MYCBP2: variants seen among roughly 807,000 people sequenced by gnomAD.
The protein encoded by MYCBP2 is MYC binding protein 2, also known as E3 ubiquitin-protein ligase MYCBP2.
MYCBP2 carries 120 observed loss-of-function variants against 525.3 expected under a neutral mutation model. The ratio of observed to expected loss-of-function variants is 0.23; its 90% CI spans 0.20 to 0.27. The LOEUF is 0.27. Ranked by LOEUF, MYCBP2 falls within the 10% of genes least tolerant of loss-of-function variation. The probability of loss-of-function intolerance (pLI) is 1.00; values close to 1 mark genes in which losing one functional copy is unlikely to be tolerated. For missense variants in MYCBP2, 4,149 were observed against 5,657.1 expected (o/e 0.73, Z 8.55); for synonymous variants, 1,894 against 1,955.8 (o/e 0.97, Z 0.83).
At chr13:77,317,018 C>G (rs752685651) in intron 1 of MYCBP2, among the ~76,000 whole-genome samples, 2 of 151,838 alleles carry the variant, frequency 1.3e-5, no homozygotes, top group Non-Finnish European at 2.9e-5. Flanking sequence ...GGCGCAATCT[C>G]GGCTCACTGC....
chr13:77,178,784 G>C (rs1177232409), intron 34 of MYCBP2, among the ~76,000 whole-genome samples: 1 of 152,110 alleles, frequency 6.6e-6, no homozygotes, highest in Non-Finnish European at 1.5e-5. Flanking sequence ...TTGTATACCA[G>C]GCACCCTGTA....
chr13:77,202,217 C>T (rs1237001222), intron 26 of MYCBP2, among the ~76,000 whole-genome samples: 13 of 152,050 alleles, frequency 8.5e-5, no homozygotes, highest in African/African-American at 2.2e-4. Flanking sequence ...ATATCATCAC[C>T]GATCCCACAG....
chr13:77,106,475 G>A (rs183418215), intron 55 of MYCBP2, among the ~76,000 whole-genome samples: 36 of 152,198 alleles, frequency 2.4e-4, no homozygotes, highest in Admixed American at 1.9e-3. Context: ...GAGGCTAGGC[G>A]TCTAATCACA....
intron 10 of MYCBP2, 63 bp downstream of exon 10, chr13:77,263,588 T>C (rs1285089047): frequency 2.8e-6 from 4 of 1,429,022 alleles, no homozygotes; most frequent in East Asian, 4.7e-5. Context: ...ACAATGTTCA[T>C]TTTTAAGAGT....
chr13:77,267,675 G>C (rs2074298043), intron 8 of MYCBP2, among the ~76,000 whole-genome samples, 166 bp downstream of exon 8: 1 of 152,144 alleles, frequency 6.6e-6, no homozygotes, highest in African/African-American at 2.4e-5. Flanking sequence ...CTCTTGATAT[G>C]TATTAACTTC....
chr13:77,146,058 T>C (rs2055491478), intron 48 of MYCBP2, 104 bp downstream of exon 48: 4 of 700,074 alleles, frequency 5.7e-6, no homozygotes, highest in Non-Finnish European at 9.3e-6. Flanking sequence ...AAAAATGCTA[T>C]AAAGTATTTA....
At chr13:77,127,592 T>C (rs1043575018) in intron 52 of MYCBP2, among the ~76,000 whole-genome samples, 2 of 151,850 alleles carry the variant, frequency 1.3e-5, no homozygotes, top group East Asian at 1.9e-4. Flanking sequence ...ATGCAAACAT[T>C]AGGTTAAAAC....
At chr13:77,159,365 A>G (rs1247087726) in intron 44 of MYCBP2, among the ~76,000 whole-genome samples, 1 of 152,224 alleles carries the variant, frequency 6.6e-6, no homozygotes, top group Non-Finnish European at 1.5e-5. Context: ...TGCCAAAAAG[A>G]GGCAATTTGG....
chr13:77,193,610 G>A (rs556849535), intron 27 of MYCBP2, among the ~76,000 whole-genome samples: 1 of 152,260 alleles, frequency 6.6e-6, no homozygotes, highest in South Asian at 2.1e-4. Context: ...CTGATAAAGT[G>A]TAAGTATCCT....
chr13:77,141,020 T>A, intron 49 of MYCBP2, 77 bp from the exon 50 acceptor site: 1 of 998,344 alleles, frequency 1.0e-6, no homozygotes, highest in Non-Finnish European at 1.5e-6. Flanking sequence ...CTTATAAACA[T>A]CCACAGGCTA....
chr13:77,148,527 C>T (rs1249690921), intron 47 of MYCBP2, among the ~76,000 whole-genome samples: 1 of 151,946 alleles, frequency 6.6e-6, no homozygotes, highest in Non-Finnish European at 1.5e-5. Context: ...AATTTCTTCC[C>T]TTCCAAACTA....
intron 28 of MYCBP2, among the ~76,000 whole-genome samples, chr13:77,191,309 T>C (rs776610986): frequency 7.9e-5 from 12 of 152,220 alleles, no homozygotes; most frequent in Non-Finnish European, 1.6e-4. Flanking sequence ...AATTTTAAAC[T>C]GTTTTCTCAT....
intron 40 of MYCBP2, among the ~76,000 whole-genome samples, chr13:77,167,183 C>T (rs1031930057): frequency 1.3e-5 from 2 of 151,976 alleles, no homozygotes; most frequent in African/African-American, 2.4e-5. Context: ...CTTTAAAAAA[C>T]TATACACATA....
intron 54 of MYCBP2, among the ~76,000 whole-genome samples, chr13:77,123,217 A>C (rs2051057776): frequency 6.6e-6 from 1 of 152,238 alleles, no homozygotes; most frequent in Admixed American, 6.5e-5. Flanking sequence ...ATTTAAAGGC[A>C]CTAACTTCAT....
At chr13:77,091,721 T>C (rs1360099402) in intron 59 of MYCBP2, among the ~76,000 whole-genome samples, 1 of 152,060 alleles carries the variant, frequency 6.6e-6, no homozygotes, top group Non-Finnish European at 1.5e-5. Context: ...CATTTATTCA[T>C]CAACTTTTTT....
chr13:77,181,476 T>C (rs2060216197), intron 33 of MYCBP2, among the ~76,000 whole-genome samples: 2 of 152,232 alleles, frequency 1.3e-5, no homozygotes, highest in South Asian at 2.1e-4. Context: ...ATTAAACCGT[T>C]AGAGCAAAAA....
intron 42 of MYCBP2, 116 bp from the exon 43 acceptor site, chr13:77,164,657 A>T: frequency 2.9e-6 from 2 of 694,628 alleles, no homozygotes; most frequent in Middle Eastern, 2.6e-4. Flanking sequence ...AAGCACGTGA[A>T]GCTAATGGTT....
chr13:77,168,800 TA>T (rs151226181), intron 39 of MYCBP2, among the ~76,000 whole-genome samples, 154 bp from the exon 40 acceptor site: 3,373 of 152,258 alleles, frequency 0.022, 58 homozygotes, highest in Middle Eastern at 0.075. Context: ...TTCAATTGAT[TA>T]AAAAAAGATT....
chr13:77,168,381 C>T, intron 40 of MYCBP2, 47 bp downstream of exon 40: 1 of 1,528,304 alleles, frequency 6.5e-7, no homozygotes, highest in Non-Finnish European at 9.0e-7. Context: ...ATCAGAGAAC[C>T]TCATGCCAAG....
Sources: gnomAD v4.1 joint callset for allele counts (sites outside exome capture counted in the v4.1 genomes callset) on GRCh38, gnomAD v4.1.1 for gene constraint, MANE v1.5 for transcripts, NCBI Gene and HGNC (gene_info 2026-07-23, HGNC 2026-07-21) for gene names.